WASHC2A: variants seen among roughly 807,000 people sequenced by gnomAD.
WASHC2A encodes the protein WASH complex subunit 2A.
WASHC2A carries 82 observed loss-of-function variants against 140.3 expected under a neutral mutation model. The ratio of observed to expected loss-of-function variants is 0.58; its 90% CI spans 0.49 to 0.70. The LOEUF (loss-of-function observed/expected upper bound fraction) is 0.70, where lower values mean the gene tolerates loss of function less well. WASHC2A is among the 30% of genes least tolerant of loss of function. WASHC2A has a pLI of 0.00. For missense variants in WASHC2A, 985 were observed against 1,521.8 expected (o/e 0.65, Z 5.87); for synonymous variants, 340 against 560.8 (o/e 0.61, Z 5.56).
In WASHC2A at chr10:50,091,419, C is replaced by A. The variant is rs1839913568; in HGVS notation, c.844-12C>A. The A allele has an allele frequency of 1.4e-5, 21 of 1,549,104 alleles. No homozygotes were observed. ...TACAAAAAAGCGATTCTTTTGATTT[C>A]TCCTGCTGTAGAAAAGAAGCAGACC... is the stretch of plus-strand genomic sequence containing the variant. On this transcript the variant is annotated splice_polypyrimidine_tract_variant and intron_variant, in intron 9 of 30. Transcript: ENST00000282633.
Position 50,127,190 on chromosome 10 carries a change from A to G in WASHC2A, c.2842A>G (p.Lys948Glu). 6.2e-7 allele frequency: 1 copy of G among 1,612,082 alleles called. No individual in the cohort carries two copies. The highest frequency in any genetic ancestry group is 8.5e-7 in the Non-Finnish European group (1 of 1,179,868). Residue 948 changes from lysine to glutamate, a missense_variant, in exon 27 of 31, where the codon AAA (lysine) becomes GAA (glutamate). Transcript: ENST00000282633. ...DSSGLAPFKT[K>E]EPSTRIGKIQ... Reference sequence around the variant, plus strand: ...ATCAGGTCTCGCTCCATTTAAAACCAAAGAACCATCCACTCGGATCGGGAA... The same window carrying G: ...ATCAGGTCTCGCTCCATTTAAAACCGAAGAACCATCCACTCGGATCGGGAA...
At chr10:50,099,365 G>A (rs1840835277) in intron 16 of WASHC2A, among the ~76,000 whole-genome samples, 1 of 150,752 alleles carries the variant, frequency 6.6e-6, no homozygotes, top group African/African-American at 2.4e-5. Flanking sequence ...AACCTCCTGG[G>A]TTCAAGCGAT....
intron 20 of WASHC2A, chr10:50,112,476 T>C (rs567245987): frequency 7.9e-4 from 93 of 117,532 alleles, no homozygotes; most frequent in African/African-American, 2.9e-3. Flanking sequence ...GTAGTCACTT[T>C]GGAAAGTAGT....
At chr10:50,084,267 C>T (rs1839191479) in intron 6 of WASHC2A, 102 bp downstream of exon 6, 1 of 1,118,102 alleles carries the variant, frequency 8.9e-7, no homozygotes, top group Non-Finnish European at 1.3e-6. Context: ...TCAAAGAACT[C>T]TCATATACCC....
chr10:50,082,127 A>G (rs1318066830), intron 5 of WASHC2A, among the ~76,000 whole-genome samples: 13 of 151,568 alleles, frequency 8.6e-5, no homozygotes, highest in Non-Finnish European at 1.6e-4. Context: ...TACTTCCAAG[A>G]CACACAGCAC....
chr10:50,087,960 T>C (rs1466325560), intron 8 of WASHC2A, among the ~76,000 whole-genome samples: 1 of 151,496 alleles, frequency 6.6e-6, no homozygotes, highest in African/African-American at 2.4e-5. Context: ...GCATTACAGG[T>C]GCCCACCACC....
intron 20 of WASHC2A, chr10:50,112,047 A>C: frequency 1.0e-6 from 1 of 985,314 alleles, no homozygotes. Flanking sequence ...GGCCTTTCCT[A>C]ACTTTAAACA....
intron 3 of WASHC2A, among the ~76,000 whole-genome samples, chr10:50,071,719 G>A (rs1421354008): frequency 6.7e-6 from 1 of 148,394 alleles, no homozygotes; most frequent in Admixed American, 6.7e-5. Context: ...CTCAATCACA[G>A]TCTTAGGTCT....
At chr10:50,081,885 G>A (rs1264287497) in intron 5 of WASHC2A, among the ~76,000 whole-genome samples, 1 of 152,072 alleles carries the variant, frequency 6.6e-6, no homozygotes, top group African/African-American at 2.4e-5. Context: ...CGCCTGCCTT[G>A]GCCTCCCAAA....
chr10:50,075,156 C>G (rs1390207480), intron 3 of WASHC2A, among the ~76,000 whole-genome samples: 1 of 151,312 alleles, frequency 6.6e-6, no homozygotes, highest in East Asian at 1.9e-4. Flanking sequence ...TTTTTTTGTT[C>G]TTAAACCGTA....
chr10:50,092,057 C>T, intron 10 of WASHC2A, 105 bp from the exon 11 acceptor site: 1 of 1,551,580 alleles, frequency 6.4e-7, no homozygotes, highest in Non-Finnish European at 8.8e-7. Flanking sequence ...AGGCAGATGT[C>T]TTGCTCTTAG....
intron 30 of WASHC2A, 77 bp downstream of exon 30, chr10:50,131,155 T>C: frequency 2.5e-6 from 4 of 1,611,188 alleles, no homozygotes; most frequent in Non-Finnish European, 3.4e-6. Context: ...CTACCTTTTC[T>C]TGGCCCTTTT....
intron 3 of WASHC2A, among the ~76,000 whole-genome samples, chr10:50,074,424 G>C (rs1396394072): frequency 6.6e-6 from 1 of 150,682 alleles, no homozygotes; most frequent in Non-Finnish European, 1.5e-5. Context: ...AGGTCTTAAA[G>C]TCTCACTTTT....
chr10:50,084,343 A>AT (rs1345011169), intron 6 of WASHC2A, among the ~76,000 whole-genome samples, 178 bp downstream of exon 6: 2 of 148,418 alleles, frequency 1.3e-5, no homozygotes, highest in African/African-American at 5.0e-5. Flanking sequence ...TATACGTAAT[A>AT]TTTTGTCTTG....
chr10:50,075,397 C>T (rs1279370282), intron 3 of WASHC2A, among the ~76,000 whole-genome samples: 1 of 151,368 alleles, frequency 6.6e-6, no homozygotes, highest in Admixed American at 6.6e-5. Flanking sequence ...TCCTTGGTAT[C>T]TCTGCCTTTT....
intron 28 of WASHC2A, among the ~76,000 whole-genome samples, chr10:50,128,512 T>G (rs576105998): frequency 3.4e-4 from 52 of 152,364 alleles, no homozygotes; most frequent in African/African-American, 1.2e-3. Flanking sequence ...CCAGTCTCCC[T>G]TCTCTAGAAA....
At chr10:50,112,090 C>A in intron 20 of WASHC2A, 1 of 985,172 alleles carries the variant, frequency 1.0e-6, no homozygotes, top group Non-Finnish European at 1.2e-6. Flanking sequence ...GAGTCGAGGG[C>A]GGTCATGGCT....
At chr10:50,071,558 G>A (rs1283537279) in intron 3 of WASHC2A, among the ~76,000 whole-genome samples, 93 of 150,834 alleles carry the variant, frequency 6.2e-4, no homozygotes, top group Admixed American at 1.2e-3. Context: ...GCCCACCTCG[G>A]CCTCCCAAAG....
chr10:50,126,084 A>C lies in WASHC2A; in HGVS notation c.2716A>C (p.Lys906Gln), dbSNP rs1394525050. The C allele has an allele frequency of 6.2e-7, 1 of 1,613,900 alleles. No individual in the cohort carries two copies. The highest frequency in any genetic ancestry group is 2.2e-5 in the East Asian group (1 of 44,886). Reference protein sequence around the residue: ...LVQEKKRVVKKDHSVDSFKNQ... With the variant: ...LVQEKKRVVKQDHSVDSFKNQ... ...ACAAGAGAAAAAGAGAGTAGTGAAA[A>C]AAGACCACTCTGTTGACTCTTTCAA... is the stretch of plus-strand genomic sequence containing the variant. Residue 906 changes from lysine (K) to glutamine (Q), a missense_variant, in exon 26 of 31, where the codon AAA (lysine) becomes CAA (glutamine). By Grantham distance (53) the Lys-to-Gln change is moderately conservative. Transcript: ENST00000282633.
Sources: allele counts gnomAD v4.1 joint callset (sites outside exome capture counted in the v4.1 genomes callset), GRCh38; gene constraint gnomAD v4.1.1; transcripts MANE v1.5; gene names NCBI Gene and HGNC (gene_info 2026-07-23, HGNC 2026-07-21).